The following NEBL variants were observed in gnomAD, a reference collection of about 807,000 sequenced individuals.
NEBL encodes the protein LIM and SH3 protein 2.
NEBL carries 122 observed loss-of-function variants against 140.2 expected under a neutral mutation model. The observed-to-expected ratio is 0.87, with a 90% CI of 0.75 to 1.01. NEBL has a LOEUF of 1.01. Ranked by LOEUF, NEBL falls within the 50% of genes least tolerant of loss-of-function variation. The probability of loss-of-function intolerance (pLI) is 0.00; values close to 1 mark genes in which losing one functional copy is unlikely to be tolerated. For synonymous variants in NEBL, 436 were observed against 398.9 expected, an observed-to-expected ratio of 1.09 and a Z score of -1.11; for missense variants, 1,365 against 1,231.3, an observed-to-expected ratio of 1.11 and a Z score of -1.62.
In NEBL at chr10:21,068,936, A is replaced by G. The variant is rs1431519997; in HGVS notation, c.165-48735T>C. On this transcript the variant is annotated intron_variant, in intron 2 of 6. Coordinates refer to the NEBL transcript ENST00000417816. ...ATTCTCACTCTGTCACCCAGACTAC[A>G]GTGTACAAGTGGCAAGATCACGGCT... Among the ~76,000 whole-genome samples, 7 of 152,274 alleles carry G rather than the reference A, an allele frequency of 4.6e-5. No homozygotes were observed. In the East Asian group the frequency reaches 1.4e-3, roughly 29 times the overall value.
chr10:21,012,266 C>T (rs1023871002), intron 3 of NEBL, among the ~76,000 whole-genome samples: 19 of 152,280 alleles, frequency 1.2e-4, no homozygotes, highest in African/African-American at 4.6e-4. Flanking sequence ...CTCTGTTTCT[C>T]TCTCTGGGGC....
At chr10:20,900,617 A>G (rs1219532875), upstream of NEBL, among the ~76,000 whole-genome samples, 2 of 150,722 alleles carry the variant, frequency 1.3e-5, no homozygotes, top group Non-Finnish European at 3.0e-5. Flanking sequence ...TGAGCTCAGG[A>G]GTTCGAGACC....
chr10:20,898,670 A>G (rs117339904), upstream of NEBL, among the ~76,000 whole-genome samples: 3,486 of 152,274 alleles, frequency 0.023, 94 homozygotes, highest in Non-Finnish European at 0.027. Context: ...TTGACATACT[A>G]GAAGTTCTGA....
chr10:20,807,065 C>T (rs1264781687), intron 26 of NEBL, among the ~76,000 whole-genome samples: 1 of 152,202 alleles, frequency 6.6e-6, no homozygotes, highest in Non-Finnish European at 1.5e-5. Flanking sequence ...GTGGCTCACG[C>T]CTCTGATCCC....
chr10:21,175,785 C>G (rs10734037), upstream of NEBL, among the ~76,000 whole-genome samples: 151,461 of 152,328 alleles, frequency 0.99, 75,299 homozygotes, highest in Middle Eastern at 1. Context: ...AAATGTATGA[C>G]GAGGGGAAAA....
intron 2 of NEBL, among the ~76,000 whole-genome samples, chr10:21,103,319 T>C (rs1013292219): frequency 6.6e-6 from 1 of 151,592 alleles, no homozygotes; most frequent in Non-Finnish European, 1.5e-5. Flanking sequence ...GTTCATGCCA[T>C]TCTCCTGCCT....
intron 13 of NEBL, among the ~76,000 whole-genome samples, chr10:20,839,170 T>C (rs996609287): frequency 2.0e-5 from 3 of 152,162 alleles, no homozygotes; most frequent in Non-Finnish European, 2.9e-5. Context: ...TTCCTTCTCC[T>C]AATAAGGCCT....
intron 2 of NEBL, among the ~76,000 whole-genome samples, chr10:21,096,687 C>T (rs917880757): frequency 3.9e-5 from 6 of 152,010 alleles, no homozygotes; most frequent in Admixed American, 3.3e-4. Context: ...CTAATTTTTA[C>T]AATTTTTTAT....
rs1204715732 is a variant in NEBL, at chr10:20,783,149, A to G, written c.*2598T>C. 3 of 152,604 alleles carry G rather than the reference A, an allele frequency of 2.0e-5. No individual in the cohort carries two copies. Among genetic ancestry groups the G allele is most frequent in the Non-Finnish European group, 4.4e-5 (3 of 68,038 alleles). The allele number at this position is 152,604 out of a possible 1,614,324, so 9.5% of individuals were successfully genotyped here. On this transcript the variant is annotated 3_prime_UTR_variant, in exon 28 of 28. Coordinates refer to ENST00000377122, the MANE Select transcript of NEBL (RefSeq NM_006393.3). The stretch of plus-strand genomic sequence containing the variant: ...CAAAGGTGGGAGGGAAGCACGTGGA[A>G]AGTGGAAAAGTTGTTCAGGCATGTC...
intron 3 of NEBL, among the ~76,000 whole-genome samples, chr10:21,218,819 A>G (rs896631122): frequency 2.6e-4 from 39 of 152,338 alleles, no homozygotes; most frequent in African/African-American, 9.1e-4. Context: ...AAATTGCAGC[A>G]AAGTGAGTAG....
intron 26 of NEBL, among the ~76,000 whole-genome samples, chr10:20,791,800 C>T (rs369912963): frequency 2.0e-5 from 3 of 152,192 alleles, no homozygotes; most frequent in African/African-American, 7.2e-5. Flanking sequence ...CCACAAGAAA[C>T]GTTGAAGAGT....
intron 1 of NEBL, among the ~76,000 whole-genome samples, chr10:21,252,397 T>C (rs1051508677): frequency 1.3e-5 from 2 of 152,166 alleles, no homozygotes; most frequent in Non-Finnish European, 2.9e-5. Context: ...GATTGATTGA[T>C]TGATAGATAG....
intron 3 of NEBL, among the ~76,000 whole-genome samples, chr10:21,207,081 C>T (rs1589328815): frequency 7.1e-6 from 1 of 140,386 alleles, no homozygotes; most frequent in Admixed American, 7.7e-5. Context: ...TCAACTAATT[C>T]TTCTGCCTCA....
intron 3 of NEBL, among the ~76,000 whole-genome samples, chr10:21,208,644 C>T (rs546026623): frequency 6.6e-6 from 1 of 152,254 alleles, no homozygotes; most frequent in South Asian, 2.1e-4. Context: ...CACCATGAAC[C>T]CAGGCTGCTT....
chr10:20,801,081 G>A (rs560770512), intron 26 of NEBL, among the ~76,000 whole-genome samples: 11 of 152,274 alleles, frequency 7.2e-5, no homozygotes, highest in African/African-American at 2.4e-4. Context: ...CTCAAGATGT[G>A]CTGAACTATA....
intron 3 of NEBL, among the ~76,000 whole-genome samples, chr10:21,195,295 T>C (rs1277239466): frequency 6.6e-6 from 1 of 152,088 alleles, no homozygotes; most frequent in Non-Finnish European, 1.5e-5. Context: ...CAGCAAATGA[T>C]AATAAAGGAG....
upstream of NEBL, among the ~76,000 whole-genome samples, chr10:21,178,358 G>A (rs1841335291): frequency 6.6e-6 from 1 of 152,010 alleles, no homozygotes. Context: ...AAATCTAGTG[G>A]GACTGATAAG....
At chr10:20,973,963 C>A (rs1350612948) in intron 3 of NEBL, among the ~76,000 whole-genome samples, 2 of 152,210 alleles carry the variant, frequency 1.3e-5, no homozygotes, top group Non-Finnish European at 2.9e-5. Context: ...CACACTTCTG[C>A]CCTTGGATTT....
intron 2 of NEBL, among the ~76,000 whole-genome samples, chr10:21,139,390 A>G (rs937087715): frequency 2.7e-4 from 41 of 152,148 alleles, no homozygotes; most frequent in African/African-American, 9.9e-4. Context: ...AGGAGGGGAA[A>G]TCGGTTACAA....
Sources: gnomAD v4.1 joint callset for allele counts (sites outside exome capture counted in the v4.1 genomes callset) on GRCh38, gnomAD v4.1.1 for gene constraint, MANE v1.5 for transcripts, NCBI Gene and HGNC (gene_info 2026-07-23, HGNC 2026-07-21) for gene names.